IGSF10: variants seen among roughly 807,000 people sequenced by gnomAD.
IGSF10 encodes the protein immunoglobulin superfamily member 10.
A neutral mutation model predicts 128.2 loss-of-function variants in IGSF10; 126 were observed. The observed-to-expected ratio is 0.98, with a 90% confidence interval of 0.85 to 1.14. The LOEUF (loss-of-function observed/expected upper bound fraction) is 1.14. Ranked by LOEUF, IGSF10 falls within the 50% of genes most tolerant of loss-of-function variation. The pLI is 0.00. For missense variants in IGSF10, 3,295 were observed against 3,149.8 expected, an observed-to-expected ratio of 1.05 and a Z score of -1.10; for synonymous variants, 1,185 against 1,146.2, an observed-to-expected ratio of 1.03 and a Z score of -0.68.
At position 151,457,397 on chromosome 3, in the gene IGSF10, A is replaced by G. The variant is rs907196650; in HGVS notation, c.195-242T>C. Among the ~76,000 whole-genome samples, 3 of 152,172 alleles carry G rather than the reference A, an allele frequency of 2.0e-5. 1 individual carries two copies. The highest frequency in any genetic ancestry group is 4.4e-5 in the Non-Finnish European group (3 of 68,022). On this transcript the variant is annotated intron_variant, in intron 3 of 7. Coordinates refer to ENST00000282466, the MANE Select transcript of IGSF10 (RefSeq NM_178822.5). ...ATTCTGGGAACTTGTCACATTTCTT[A>G]TCATTTTCAAACTTTTATATATATG...
downstream of IGSF10, chr3:151,435,844 A>C (rs190510532): frequency 1.5e-3 from 224 of 151,980 alleles, 1 homozygote; most frequent in African/African-American, 5.0e-3. Context: ...ATAGACCTAG[A>C]CCCTCCCAAG....
chr3:151,571,722 T>C, the IGSF10 span, among the ~76,000 whole-genome samples: 1 of 152,218 alleles, frequency 6.6e-6, no homozygotes, highest in Non-Finnish European at 1.5e-5. Context: ...TTCTTTCTCT[T>C]GCCTGATTGC....
chr3:151,565,570 A>G, the IGSF10 span, among the ~76,000 whole-genome samples: 1 of 152,166 alleles, frequency 6.6e-6, no homozygotes, highest in Non-Finnish European at 1.5e-5. Context: ...AAGCAGCTAC[A>G]GAATGATCTG....
rs751878795 is a variant in IGSF10 at position 151,447,082 on chromosome 3, T to G, written c.2899A>C (p.Asn967His). The G allele has an allele frequency of 9.3e-6, 15 of 1,614,234 alleles. No individual in the cohort carries two copies. Among genetic ancestry groups the G allele is most frequent in the Non-Finnish European group, 1.3e-5 (15 of 1,180,034 alleles). The change falls in exon 6 of 8, where the codon AAT becomes CAT. Residue 967 changes from asparagine (N) to histidine (H), a missense_variant. Physicochemically the swap from Asn to His is moderately conservative, Grantham distance 68. Transcript: ENST00000282466. ...TGAGTAGTGTGAGAATAGAAGTGATTGTGCCTGGGTTCACTCACTTCTCTT... is the reference window on the plus strand; with the variant it reads ...TGAGTAGTGTGAGAATAGAAGTGATGGTGCCTGGGTTCACTCACTTCTCTT... ...SVREVSEPRHNHFYSHTTQIL... is the reference protein window; with the variant it reads ...SVREVSEPRHHHFYSHTTQIL...
the IGSF10 span, among the ~76,000 whole-genome samples, chr3:151,493,176 A>C: frequency 2.4e-4 from 36 of 152,310 alleles, no homozygotes; most frequent in South Asian, 5.4e-3. Flanking sequence ...GGGTCAAAGA[A>C]TACAAAGTAG....
the IGSF10 span, among the ~76,000 whole-genome samples, chr3:151,500,127 G>T: frequency 2.0e-5 from 3 of 152,052 alleles, no homozygotes; most frequent in Non-Finnish European, 4.4e-5. Flanking sequence ...CAACTTCTTA[G>T]GAATAGCACC....
intron 4 of IGSF10, 42 bp downstream of exon 4, chr3:151,456,984 A>T: frequency 3.1e-6 from 5 of 1,611,456 alleles, no homozygotes; most frequent in Non-Finnish European, 4.2e-6. Flanking sequence ...CACAGGTCCC[A>T]CCTTACCTCT....
At chr3:151,541,226 A>G in the IGSF10 span, among the ~76,000 whole-genome samples, 1 of 152,218 alleles carries the variant, frequency 6.6e-6, no homozygotes, top group Non-Finnish European at 1.5e-5. Flanking sequence ...GACTGTCCAC[A>G]GTTATCTAAA....
At chr3:151,496,848 C>T in the IGSF10 span, among the ~76,000 whole-genome samples, 11 of 151,880 alleles carry the variant, frequency 7.2e-5, no homozygotes, top group African/African-American at 2.4e-4. Flanking sequence ...CTGTTGTTTC[C>T]TGACTTTTTA....
the IGSF10 span, among the ~76,000 whole-genome samples, chr3:151,503,772 C>T: frequency 6.6e-6 from 1 of 152,042 alleles, no homozygotes; most frequent in Non-Finnish European, 1.5e-5. Flanking sequence ...AATTGGGAGA[C>T]TGGAGTTTTT....
chr3:151,460,428 C>A, intron 1 of IGSF10, 81 bp from the exon 2 acceptor site: 1 of 275,484 alleles, frequency 3.6e-6, no homozygotes. Flanking sequence ...TAATGCTCTT[C>A]AGGGAGACCT....
chr3:151,507,902 T>A, the IGSF10 span, among the ~76,000 whole-genome samples: 1 of 146,172 alleles, frequency 6.8e-6, no homozygotes, highest in Non-Finnish European at 1.5e-5. Context: ...TGTCAATAAA[T>A]AATTGACAAT....
chr3:151,533,938 G>C, the IGSF10 span, among the ~76,000 whole-genome samples: 13 of 152,074 alleles, frequency 8.5e-5, no homozygotes, highest in Admixed American at 2.6e-4. Flanking sequence ...AATCTACAAA[G>C]AACTTAAACA....
chr3:151,476,701 CTT>C, the IGSF10 span, among the ~76,000 whole-genome samples: 1 of 152,200 alleles, frequency 6.6e-6, no homozygotes, highest in African/African-American at 2.4e-5. Context: ...GGCCTGTCAT[CTT>C]GTTTCCCCCT....
At chr3:151,441,298 T>C (rs1338874016) in intron 7 of IGSF10, among the ~76,000 whole-genome samples, 1 of 152,184 alleles carries the variant, frequency 6.6e-6, no homozygotes, top group Admixed American at 6.5e-5. Flanking sequence ...TTTCCCAGAG[T>C]GGAAGACAGA....
At chr3:151,512,428 C>A in the IGSF10 span, among the ~76,000 whole-genome samples, 7 of 152,014 alleles carry the variant, frequency 4.6e-5, no homozygotes, top group African/African-American at 1.2e-4. Context: ...AACAAAGACA[C>A]AACATACCAG....
intron 5 of IGSF10, among the ~76,000 whole-genome samples, chr3:151,449,604 T>C (rs1721415394): frequency 6.6e-6 from 1 of 152,240 alleles, no homozygotes; most frequent in Non-Finnish European, 1.5e-5. Flanking sequence ...TATGCTCATG[T>C]TTGTCAGTTT....
chr3:151,531,664 T>C, the IGSF10 span, among the ~76,000 whole-genome samples: 1 of 152,098 alleles, frequency 6.6e-6, no homozygotes, highest in African/African-American at 2.4e-5. Flanking sequence ...TACCAGAAAC[T>C]CTGGGACACA....
chr3:151,447,022 G>A lies in IGSF10; in HGVS notation c.2959C>T (p.His987Tyr), dbSNP rs1560177269. The change falls in exon 6 of 8, where the codon CAC (histidine) becomes TAC (tyrosine). Residue 987 changes from histidine to tyrosine, a missense_variant. Transcript: ENST00000282466. ...GGAAACTGAGAATGAGCAGCTGTGT[G>A]TGGATCTGAAGGGAACGTGGAGGTG... ...LSTSTFPSDP[H>Y]TAAHSQFPIP... The A allele has an allele frequency of 6.2e-7, 1 of 1,614,240 alleles. No individual in the cohort carries two copies. Among genetic ancestry groups the A allele is most frequent in the East Asian group, 2.2e-5 (1 of 44,892 alleles).
Sources: allele counts gnomAD v4.1 joint callset (sites outside exome capture counted in the v4.1 genomes callset), GRCh38; gene constraint gnomAD v4.1.1; transcripts MANE v1.5; gene names NCBI Gene and HGNC (gene_info 2026-07-23, HGNC 2026-07-21).